Variants in STAG1 observed in about 807,000 individuals in gnomAD.
STAG1 encodes the protein STAG1 cohesin complex component, also known as cohesin subunit SA-1.
A neutral mutation model predicts 170.9 loss-of-function variants in STAG1; 26 were observed. The observed-to-expected ratio is 0.15, with a 90% CI of 0.11 to 0.21. The LOEUF is 0.21. Among genes scored for constraint, STAG1 ranks in the 10% least tolerant of loss-of-function variants. The pLI is 1.00. For missense variants in STAG1, 964 were observed against 1,509.5 expected (o/e 0.64, Z 5.99); for synonymous variants, 514 against 497.7 (o/e 1.03, Z -0.44).
chr3:136,523,296 G>C (rs544690403), intron 6 of STAG1, among the ~76,000 whole-genome samples: 2 of 152,202 alleles, frequency 1.3e-5, no homozygotes, highest in African/African-American at 4.8e-5. Flanking sequence ...CTGTGGTTTT[G>C]ATTTGCATTT....
At chr3:136,391,407 T>G (rs2087007993) in intron 22 of STAG1, among the ~76,000 whole-genome samples, 1 of 142,954 alleles carries the variant, frequency 7.0e-6, no homozygotes. Context: ...AGACAGAGTC[T>G]CACTCTGTCG....
chr3:136,458,909 G>T (rs2089195089), intron 13 of STAG1, among the ~76,000 whole-genome samples: 1 of 152,110 alleles, frequency 6.6e-6, no homozygotes, highest in Non-Finnish European at 1.5e-5. Flanking sequence ...TAGACTTTAA[G>T]TCAAGAATGA....
chr3:136,725,643 C>A (rs1044437419), intron 1 of STAG1, among the ~76,000 whole-genome samples: 2 of 152,154 alleles, frequency 1.3e-5, no homozygotes, highest in East Asian at 3.8e-4. Context: ...TGCAGAAGGA[C>A]AGCCTATCAT....
intron 1 of STAG1, among the ~76,000 whole-genome samples, chr3:136,732,987 G>A (rs1292896729): frequency 6.6e-6 from 1 of 151,674 alleles, no homozygotes; most frequent in Non-Finnish European, 1.5e-5. Flanking sequence ...CTTACAGAAA[G>A]TAACCTCAGC....
At chr3:136,340,326 T>C (rs1050674724) in intron 32 of STAG1, among the ~76,000 whole-genome samples, 165 bp downstream of exon 32, 3 of 152,124 alleles carry the variant, frequency 2.0e-5, no homozygotes, top group Non-Finnish European at 2.9e-5. Context: ...TTCTCCATAT[T>C]GGTCAGGCTG....
At chr3:136,539,051 G>A (rs1043086408) in intron 6 of STAG1, among the ~76,000 whole-genome samples, 17 of 151,668 alleles carry the variant, frequency 1.1e-4, no homozygotes, top group South Asian at 6.2e-4. Context: ...GGAGAATGGC[G>A]TGAACCCAGG....
At chr3:136,548,072 T>C (rs1265957514) in intron 5 of STAG1, among the ~76,000 whole-genome samples, 1 of 152,122 alleles carries the variant, frequency 6.6e-6, no homozygotes, top group Non-Finnish European at 1.5e-5. Flanking sequence ...TTCTGTTACA[T>C]TAGTTGCTAT....
At chr3:136,356,928 TA>T (rs1399992385) in intron 28 of STAG1, among the ~76,000 whole-genome samples, 6 of 150,816 alleles carry the variant, frequency 4.0e-5, no homozygotes, top group South Asian at 4.2e-4. Flanking sequence ...AATTTTTTTT[TA>T]TTTTTTTTAA....
At chr3:136,427,102 G>C (rs1040850028) in intron 16 of STAG1, among the ~76,000 whole-genome samples, 1 of 149,178 alleles carries the variant, frequency 6.7e-6, no homozygotes, top group Non-Finnish European at 1.5e-5. Context: ...GGTGGCAAGC[G>C]CATGTAATCC....
intron 3 of STAG1, among the ~76,000 whole-genome samples, chr3:136,605,443 T>C (rs1364993233): frequency 6.6e-6 from 1 of 152,226 alleles, no homozygotes; most frequent in Admixed American, 6.5e-5. Context: ...CATTCTACAG[T>C]TGCTACTTCA....
At chr3:136,421,292 A>G (rs1158979256) in intron 19 of STAG1, 129 bp from the exon 20 acceptor site, 2 of 442,316 alleles carry the variant, frequency 4.5e-6, no homozygotes, top group African/African-American at 4.1e-5. Context: ...CCATAATACA[A>G]ATAAGCAAAA....
intron 1 of STAG1, among the ~76,000 whole-genome samples, chr3:136,711,912 G>A (rs1037036815): frequency 6.6e-6 from 1 of 151,960 alleles, no homozygotes; most frequent in Non-Finnish European, 1.5e-5. Context: ...TAGATGATGT[G>A]AATAACTCCA....
chr3:136,431,513 A>G (rs1576459573), intron 16 of STAG1, among the ~76,000 whole-genome samples: 1 of 151,844 alleles, frequency 6.6e-6, no homozygotes, highest in Non-Finnish European at 1.5e-5. Flanking sequence ...CTTGTGATCC[A>G]CCTGCCTCAG....
chr3:136,553,301 T>A (rs1166437106), intron 5 of STAG1, among the ~76,000 whole-genome samples: 3 of 151,964 alleles, frequency 2.0e-5, no homozygotes, highest in Admixed American at 1.3e-4. Context: ...GAAGAGAGTA[T>A]AACAAATTTA....
intron 4 of STAG1, among the ~76,000 whole-genome samples, chr3:136,582,897 G>C (rs940525388): frequency 2.0e-5 from 3 of 152,130 alleles, no homozygotes; most frequent in East Asian, 1.9e-4. Context: ...GATGAGCAAA[G>C]GGTTGCCACA....
intron 28 of STAG1, 141 bp from the exon 29 acceptor site, chr3:136,349,504 T>G: frequency 1.5e-6 from 1 of 659,866 alleles, no homozygotes; most frequent in Non-Finnish European, 2.6e-6. Flanking sequence ...GTGGTCACCT[T>G]TGGAAAGAGA....
At chr3:136,544,581 G>A (rs551868222) in intron 5 of STAG1, among the ~76,000 whole-genome samples, 6 of 151,882 alleles carry the variant, frequency 4.0e-5, no homozygotes, top group Non-Finnish European at 8.8e-5. Flanking sequence ...TGGGCAACAC[G>A]GCGAGACATC....
intron 7 of STAG1, among the ~76,000 whole-genome samples, chr3:136,511,092 C>T (rs967287727): frequency 2.6e-5 from 4 of 152,130 alleles, no homozygotes; most frequent in African/African-American, 9.7e-5. Flanking sequence ...CGGTTTTATA[C>T]GTCTCTGGCA....
chr3:136,670,490 G>C (rs1159912086), intron 1 of STAG1, among the ~76,000 whole-genome samples: 1 of 152,052 alleles, frequency 6.6e-6, no homozygotes, highest in Non-Finnish European at 1.5e-5. Context: ...GGGGTGGGTG[G>C]AGCAGAGAAG....
Sources: gnomAD v4.1 joint callset for allele counts (sites outside exome capture counted in the v4.1 genomes callset) on GRCh38, gnomAD v4.1.1 for gene constraint, MANE v1.5 for transcripts, NCBI Gene and HGNC (gene_info 2026-07-23, HGNC 2026-07-21) for gene names.